MYBL2: variants seen among roughly 807,000 people sequenced by gnomAD.
MYBL2 encodes MYB proto-oncogene like 2, also known as myb-related protein B.
Under a neutral mutation model 79.9 loss-of-function variants are expected in MYBL2, and 28 were observed. That is an observed-to-expected ratio of 0.35 (90% confidence interval 0.26 to 0.48). The LOEUF is 0.48. MYBL2 is among the 20% of genes least tolerant of loss of function. MYBL2 has a pLI of 0.99. For missense variants in MYBL2, 735 were observed against 893.9 expected (o/e 0.82, Z 2.27); for synonymous variants, 378 against 361.2 (o/e 1.05, Z -0.53).
At chr20:43,678,012 C>G (rs937058577) in intron 2 of MYBL2, among the ~76,000 whole-genome samples, 7 of 152,142 alleles carry the variant, frequency 4.6e-5, no homozygotes, top group African/African-American at 1.7e-4. Context: ...TACCCCCAAC[C>G]CTGTGCTCTC....
intron 12 of MYBL2, among the ~76,000 whole-genome samples, chr20:43,714,872 G>A (rs1301174550): frequency 6.6e-6 from 1 of 152,080 alleles, no homozygotes; most frequent in Non-Finnish European, 1.5e-5. Flanking sequence ...CTCGTGATCC[G>A]CCTGCCTCGG....
rs552863890 is a variant in MYBL2, at chr20:43,713,205, T to C, written c.1824+99T>C. 8.5e-6 allele frequency: 7 copies of C among 826,386 alleles called. 1 individual carries two copies. The highest frequency in any genetic ancestry group is 7.5e-5 in the South Asian group (5 of 66,404). 51.2% of individuals were successfully genotyped at this position (826,386 alleles called of 1,614,324 possible). The stretch of plus-strand genomic sequence containing the variant: ...CAACTGGGCTTCTGGAACCCTGGGC[T>C]CTGCAGGGAGGGGCTATCAGGGAGG... On this transcript the variant is annotated intron_variant, in intron 12 of 13. Coordinates refer to ENST00000217026, the MANE Select transcript of MYBL2 (RefSeq NM_002466.4).
intron 6 of MYBL2, among the ~76,000 whole-genome samples, chr20:43,698,338 C>T (rs755494648): frequency 1.4e-5 from 2 of 140,946 alleles, no homozygotes; most frequent in African/African-American, 2.7e-5. Context: ...GTGTGAGCCA[C>T]CACGCCCCGC....
intron 2 of MYBL2, among the ~76,000 whole-genome samples, 200 bp downstream of exon 2, chr20:43,674,099 A>AG (rs1179696904): frequency 2.6e-5 from 4 of 151,902 alleles, no homozygotes; most frequent in Non-Finnish European, 1.5e-5. Context: ...GTGGGTGGGA[A>AG]GGGGATGTGT....
chr20:43,711,422 C>T (rs1987902734), intron 10 of MYBL2, 66 bp from the exon 11 acceptor site: 19 of 1,338,138 alleles, frequency 1.4e-5, no homozygotes, highest in Non-Finnish European at 2.0e-5. Context: ...GGGTTGGTCC[C>T]ACAGTCCCAC....
intron 5 of MYBL2, among the ~76,000 whole-genome samples, chr20:43,688,779 A>G (rs285188): frequency 0.9 from 136,936 of 151,956 alleles, 61,832 homozygotes; most frequent in South Asian, 0.93. Context: ...TCAATAGCTT[A>G]CTTCTCTGTC....
At chr20:43,673,742 C>T (rs569320640) in intron 1 of MYBL2, 64 bp from the exon 2 acceptor site, 52 of 1,513,446 alleles carry the variant, frequency 3.4e-5, no homozygotes, top group East Asian at 3.0e-4. Flanking sequence ...GCTGCCTACA[C>T]GTTCTCCATT....
chr20:43,696,638 C>T (rs537933728), intron 6 of MYBL2, among the ~76,000 whole-genome samples: 53 of 152,412 alleles, frequency 3.5e-4, no homozygotes, highest in Non-Finnish European at 8.8e-5. Flanking sequence ...TCTTATTTAA[C>T]CATTATATTG....
chr20:43,671,148 T>C (rs1986844605), intron 1 of MYBL2, among the ~76,000 whole-genome samples: 1 of 149,566 alleles, frequency 6.7e-6, no homozygotes, highest in Admixed American at 6.6e-5. Flanking sequence ...TTTGTGGGTT[T>C]TTATTTATTT....
chr20:43,702,932 TG>T, intron 8 of MYBL2, 29 bp downstream of exon 8: 1 of 1,564,046 alleles, frequency 6.4e-7, no homozygotes, highest in Non-Finnish European at 8.7e-7. Context: ...GGCTGCTTAT[TG>T]GGTCGGTACA....
At position 43,697,180 on chromosome 20, in the gene MYBL2, G is replaced by A. The variant is rs144397773; in HGVS notation, c.664-2577G>A. ...TGTTTCCAGCCTTATTGTCAATACC[G>A]GCTATGGTTATATGAAAAAAAATCT... On this transcript the variant is annotated intron_variant, in intron 6 of 13. Transcript: ENST00000217026. Among the ~76,000 whole-genome samples, 1,278 of 152,160 alleles carry A rather than the reference G, an allele frequency of 8.4e-3. 15 individuals carry two copies. The highest frequency in any genetic ancestry group is 0.025 in the African/African-American group (1,035 of 41,528).
rs1372116392 is a variant in MYBL2 at position 43,715,999 on chromosome 20, G to T, written c.2015G>T (p.Arg672Met). 2 of 1,612,422 alleles carry T rather than the reference G, an allele frequency of 1.2e-6. No homozygotes were observed. The highest frequency in any genetic ancestry group is 4.5e-5 in the East Asian group (2 of 44,868). Residue 672 changes from arginine (R) to methionine (M), a missense_variant, in exon 14 of 14, where the codon AGG becomes ATG. Around this residue, in one of 5 missense-constraint regions of MYBL2, gnomAD observed 204 missense variants for 202.9 expected, o/e 1.01. Coordinates refer to ENST00000217026, the MANE Select transcript of MYBL2 (RefSeq NM_002466.4). The part of the protein sequence containing the change: ...AWKTVACGGT[R>M]DQLFMQEKAR... Reference sequence around the variant, plus strand: ...AAGACGGTGGCCTGCGGGGGGACCAGGGACCAGCTTTTCATGCAGGAGAAA... The same window carrying T: ...AAGACGGTGGCCTGCGGGGGGACCATGGACCAGCTTTTCATGCAGGAGAAA...
Position 43,716,175 on chromosome 20 carries a change from ACCT to A in MYBL2, c.*92_*94del. The A allele has an allele frequency of 3.8e-6, 6 of 1,575,116 alleles. No individual in the cohort carries two copies. Among genetic ancestry groups the A allele is most frequent in the Non-Finnish European group, 4.3e-6 (5 of 1,168,102 alleles). On this transcript the variant is annotated 3_prime_UTR_variant, in exon 14 of 14. Coordinates refer to ENST00000217026, the MANE Select transcript of MYBL2 (RefSeq NM_002466.4). ...TGTGAATCTGAGAGTCATTCAGGTG[ACCT>A]CCTGCAGGGAGCCTTCTGCCACCAG...
At chr20:43,698,661 AT>A (rs1188859456) in intron 6 of MYBL2, among the ~76,000 whole-genome samples, 15,620 of 115,850 alleles carry the variant, frequency 0.13, 1,077 homozygotes, top group African/African-American at 0.21. Context: ...TACAGGCGTG[AT>A]TTTTTTTTTT....
chr20:43,678,296 C>G (rs1226125495), intron 2 of MYBL2, among the ~76,000 whole-genome samples: 1 of 124,096 alleles, frequency 8.1e-6, no homozygotes, highest in Admixed American at 9.2e-5. Flanking sequence ...CAAGAATGAT[C>G]AATAAAAAAA....
chr20:43,695,213 G>A (rs564028708), intron 6 of MYBL2, among the ~76,000 whole-genome samples: 8 of 152,066 alleles, frequency 5.3e-5, no homozygotes, highest in African/African-American at 1.9e-4. Flanking sequence ...GCAAATTTTT[G>A]TATTTTTAGT....
chr20:43,696,395 C>G (rs1987542268), intron 6 of MYBL2, among the ~76,000 whole-genome samples: 1 of 150,992 alleles, frequency 6.6e-6, no homozygotes, highest in African/African-American at 2.4e-5. Flanking sequence ...CATGTGCCAC[C>G]ATGCCTGGCT....
chr20:43,682,719 A>C, intron 3 of MYBL2, 75 bp from the exon 4 acceptor site: 1 of 1,382,968 alleles, frequency 7.2e-7, no homozygotes, highest in Non-Finnish European at 1.0e-6. Flanking sequence ...CCCTGAGCCT[A>C]GTACTTAACC....
intron 4 of MYBL2, among the ~76,000 whole-genome samples, chr20:43,684,132 C>T (rs1431449261): frequency 6.6e-6 from 1 of 152,020 alleles, no homozygotes; most frequent in African/African-American, 2.4e-5. Flanking sequence ...TCTCACTATG[C>T]TGCCCAGGCT....
Sources: allele counts gnomAD v4.1 joint callset (sites outside exome capture counted in the v4.1 genomes callset), GRCh38; gene constraint gnomAD v4.1.1; regional missense constraint gnomAD v4.1.1; transcripts MANE v1.5; gene names NCBI Gene and HGNC (gene_info 2026-07-23, HGNC 2026-07-21).